Variants in MAP2K5 observed in about 807,000 individuals in gnomAD.
MAP2K5 encodes the protein dual specificity mitogen-activated protein kinase kinase 5.
In MAP2K5, 49 loss-of-function variants were observed where a neutral mutation model predicts 83.1. The ratio of observed to expected loss-of-function variants is 0.59; its 90% CI spans 0.47 to 0.75. MAP2K5 has a LOEUF of 0.75. MAP2K5 is among the 30% of genes least tolerant of loss of function. The pLI is 0.00. For synonymous variants in MAP2K5, 202 were observed against 191.8 expected (o/e 1.05, Z -0.44); for missense variants, 457 against 557.5 (o/e 0.82, Z 1.82).
At chr15:67,733,498 A>G (rs1314198350) in intron 17 of MAP2K5, among the ~76,000 whole-genome samples, 2 of 152,238 alleles carry the variant, frequency 1.3e-5, no homozygotes, top group African/African-American at 4.8e-5. Context: ...GGAGAAGATC[A>G]CTTTTATTGG....
chr15:67,670,733 A>G (rs987621318), intron 13 of MAP2K5, among the ~76,000 whole-genome samples: 2 of 151,956 alleles, frequency 1.3e-5, no homozygotes, highest in African/African-American at 4.8e-5. Context: ...CCCAAGAAAA[A>G]AAACCAACCC....
At chr15:67,625,077 A>G (rs968035113) in intron 8 of MAP2K5, among the ~76,000 whole-genome samples, 1 of 152,210 alleles carries the variant, frequency 6.6e-6, no homozygotes, top group African/African-American at 2.4e-5. Flanking sequence ...GGATTAGGTT[A>G]AATAATTTTC....
intron 8 of MAP2K5, among the ~76,000 whole-genome samples, chr15:67,620,036 C>T (rs2086144994): frequency 6.6e-6 from 1 of 152,246 alleles, no homozygotes; most frequent in Non-Finnish European, 1.5e-5. Flanking sequence ...TCACACTGTA[C>T]TCCAGCCTGA....
At chr15:67,672,787 G>C (rs1445161970) in intron 13 of MAP2K5, among the ~76,000 whole-genome samples, 1 of 142,292 alleles carries the variant, frequency 7.0e-6, no homozygotes, top group African/African-American at 2.6e-5. Flanking sequence ...GGGTTTTTAT[G>C]GTTTTAAGTC....
intron 16 of MAP2K5, among the ~76,000 whole-genome samples, chr15:67,706,074 A>T (rs1004939305): frequency 1.3e-5 from 2 of 152,228 alleles, no homozygotes; most frequent in African/African-American, 4.8e-5. Flanking sequence ...GTGGAGCATG[A>T]CTATAGACAG....
At chr15:67,632,565 C>A (rs1399721848) in intron 9 of MAP2K5, among the ~76,000 whole-genome samples, 1 of 152,220 alleles carries the variant, frequency 6.6e-6, no homozygotes, top group African/African-American at 2.4e-5. Context: ...CAAAGCTCAT[C>A]TCCTCTGTTA....
intron 14 of MAP2K5, 67 bp downstream of exon 14, chr15:67,692,619 C>G (rs775346645): frequency 4.7e-5 from 59 of 1,265,478 alleles, no homozygotes; most frequent in East Asian, 4.2e-4. Context: ...TCATTCTGTT[C>G]TCTGGATTGA....
rs891654841 is a variant in MAP2K5 at position 67,668,309 on chromosome 15, C to G, written c.847+3664C>G. Among the ~76,000 whole-genome samples, 6 of 152,072 alleles carry G rather than the reference C, an allele frequency of 3.9e-5. No homozygotes were observed. Among genetic ancestry groups the G allele is most frequent in the Admixed American group, 2.6e-4 (4 of 15,246 alleles). Reference sequence around the variant, plus strand: ...TTACTGAGTCAAAAATTATGAAAATCTTTTCTCTAAAATAAACCAAACGTG... The same window carrying G: ...TTACTGAGTCAAAAATTATGAAAATGTTTTCTCTAAAATAAACCAAACGTG... On this transcript the variant is annotated intron_variant, in intron 13 of 21. Transcript: ENST00000178640. This position sits in a 1 kb window ranked among gnomAD's most constrained non-coding sequence, Gnocchi z 4.0.
rs779067336 is a variant in MAP2K5 at position 67,640,579 on chromosome 15, G to C, written c.586-5652G>C. ...AACTGAATCACCTGCAGGGTCTGACGCCTGCATGGAATGATGAGGGAAATT... is the reference window on the plus strand; with the variant it reads ...AACTGAATCACCTGCAGGGTCTGACCCCTGCATGGAATGATGAGGGAAATT... On this transcript the variant is annotated intron_variant, in intron 9 of 21. Coordinates refer to ENST00000178640, the MANE Select transcript of MAP2K5 (RefSeq NM_145160.3). This position sits in a 1 kb window ranked among gnomAD's most constrained non-coding sequence, Gnocchi z 4.6. The C allele has an allele frequency of 3.5e-4, 342 of 985,030 alleles. No homozygotes were observed. Among genetic ancestry groups the C allele is most frequent in the Non-Finnish European group, 4.0e-4 (332 of 829,766 alleles). 61.0% of individuals were successfully genotyped at this position (985,030 alleles called of 1,614,324 possible).
chr15:67,575,786 A>C (rs2085042848), intron 3 of MAP2K5, among the ~76,000 whole-genome samples: 1 of 152,050 alleles, frequency 6.6e-6, no homozygotes, highest in South Asian at 2.1e-4. Flanking sequence ...TAAGTGAATA[A>C]ATGTAGATAT....
At position 67,755,148 on chromosome 15, in the gene MAP2K5, T is replaced by G. The variant is rs962480633; in HGVS notation, c.1134+6547T>G. On this transcript the variant is annotated intron_variant, in intron 19 of 21. Transcript: ENST00000178640. The surrounding 1 kb of genome is among the most constrained non-coding windows in gnomAD (Gnocchi z 4.7). The stretch of plus-strand genomic sequence containing the variant: ...CACCACCACGCCCAGCTAATTTTTT[T>G]GTGTGTTTTTAGTAGAGATGGGGTT... 6.6e-6 allele frequency among the ~76,000 whole-genome samples: 1 copy of G among 151,916 alleles called. No homozygotes were observed. The highest frequency in any genetic ancestry group is 2.4e-5 in the African/African-American group (1 of 41,328).
At chr15:67,591,222 G>A (rs2085401829) in intron 6 of MAP2K5, among the ~76,000 whole-genome samples, 2 of 151,730 alleles carry the variant, frequency 1.3e-5, no homozygotes, top group South Asian at 2.1e-4. Flanking sequence ...GCATGCACCT[G>A]TAGTCCCAGC....
At chr15:67,745,211 T>C (rs2089577986) in intron 17 of MAP2K5, among the ~76,000 whole-genome samples, 1 of 152,210 alleles carries the variant, frequency 6.6e-6, no homozygotes, top group Admixed American at 6.5e-5. Flanking sequence ...GAATGAGGGC[T>C]TGGACAAGTT....
At position 67,778,508 on chromosome 15, in the gene MAP2K5, G is replaced by C. The variant is rs2090275307; in HGVS notation, c.1242+5756G>C. ...TTTTATTTAGGGCTATTGCAGTAGG[G>C]AGAGTGTTTATTAATGAGGAATGGC... On this transcript the variant is annotated intron_variant, in intron 21 of 21. Coordinates refer to ENST00000178640, the MANE Select transcript of MAP2K5 (RefSeq NM_145160.3). This position sits in a 1 kb window ranked among gnomAD's most constrained non-coding sequence, Gnocchi z 5.0. Among the ~76,000 whole-genome samples, 1 of 152,202 alleles carries C rather than the reference G, an allele frequency of 6.6e-6. No individual in the cohort carries two copies. Among genetic ancestry groups the C allele is most frequent in the Non-Finnish European group, 1.5e-5 (1 of 68,038 alleles).
intron 1 of MAP2K5, among the ~76,000 whole-genome samples, chr15:67,545,962 A>G (rs1292768425): frequency 6.6e-6 from 1 of 152,166 alleles, no homozygotes. Context: ...CTCAAGGCTG[A>G]CTGGCTTAAC....
Position 67,769,681 on chromosome 15 carries a change from C to G in MAP2K5, c.1196+18C>G. On this transcript the variant is annotated intron_variant, in intron 20 of 21. Coordinates refer to ENST00000178640, the MANE Select transcript of MAP2K5 (RefSeq NM_145160.3). This position sits in a 1 kb window ranked among gnomAD's most constrained non-coding sequence, Gnocchi z 5.2. ...ACTCAGTGGTGAGCCCGTTTACAAA[C>G]ATGCCATGCCCTCAATGTAAATGAT... The G allele has an allele frequency of 6.2e-7, 1 of 1,612,720 alleles. No homozygotes were observed. The highest frequency in any genetic ancestry group is 1.3e-5 in the African/African-American group (1 of 74,982).
chr15:67,603,121 A>T (rs193057746), intron 8 of MAP2K5, among the ~76,000 whole-genome samples: 1 of 152,242 alleles, frequency 6.6e-6, no homozygotes, highest in Non-Finnish European at 1.5e-5. Flanking sequence ...ATTTAAGTGT[A>T]TAGTTAGTGG....
Position 67,793,362 on chromosome 15 carries a change from T to C in MAP2K5, c.1243-13284T>C, listed in dbSNP as rs2090551077. Among the ~76,000 whole-genome samples the C allele has an allele frequency of 6.6e-6, 1 of 152,210 alleles. No individual in the cohort carries two copies. The highest frequency in any genetic ancestry group is 6.5e-5 in the Admixed American group (1 of 15,286). On this transcript the variant is annotated intron_variant, in intron 21 of 21. Coordinates refer to ENST00000178640, the MANE Select transcript of MAP2K5 (RefSeq NM_145160.3). This position sits in a 1 kb window ranked among gnomAD's most constrained non-coding sequence, Gnocchi z 4.6. ...TGTTCTATACCAGTATCTCCTGATATTGACACGAGTAGGGCCATTTGTCCC... is the reference window on the plus strand; with the variant it reads ...TGTTCTATACCAGTATCTCCTGATACTGACACGAGTAGGGCCATTTGTCCC...
chr15:67,737,371 T>C (rs147800462), intron 17 of MAP2K5, among the ~76,000 whole-genome samples: 3 of 152,314 alleles, frequency 2.0e-5, no homozygotes, highest in Non-Finnish European at 2.9e-5. Flanking sequence ...TAGGGGCTCA[T>C]TGGCTTCCAA....
Sources: allele counts gnomAD v4.1 joint callset (sites outside exome capture counted in the v4.1 genomes callset), GRCh38; gene constraint gnomAD v4.1.1; non-coding constraint Gnocchi (gnomAD v3.1); transcripts MANE v1.5; gene names NCBI Gene and HGNC (gene_info 2026-07-23, HGNC 2026-07-21).